The following MAGT1 variants were observed in gnomAD, a reference collection of about 807,000 sequenced individuals.
MAGT1 encodes dolichyl-diphosphooligosaccharide--protein glycosyltransferase subunit MAGT1.
In MAGT1, 4 loss-of-function variants were observed where a neutral mutation model predicts 28.4. That is an observed-to-expected ratio of 0.14 (90% CI 0.07 to 0.32). The LOEUF (loss-of-function observed/expected upper bound fraction) is 0.32. MAGT1 is among the 10% of genes least tolerant of loss of function. The pLI, the probability that MAGT1 is intolerant of heterozygous loss-of-function variation, is 1.00. For synonymous variants in MAGT1, 89 were observed against 89.7 expected, an observed-to-expected ratio of 0.99 and a Z score of 0.04; for missense variants, 193 against 264.5, an observed-to-expected ratio of 0.73 and a Z score of 1.88.
intron 7 of MAGT1, among the ~76,000 whole-genome samples, chrX:77,850,944 C>A (rs188848669): frequency 6.4e-5 from 7 of 110,231 alleles, no homozygotes; most frequent in African/African-American, 1.6e-4. Flanking sequence ...TTTGTTAATC[C>A]ATCAAACCAT....
Position 77,873,383 on chromosome X carries a change from T to C in MAGT1, c.272+2045A>G, listed in dbSNP as rs983169824. ...ATCTGGAGAACCTCCAAGTTTTTACTAAACTAATTCTTCATACAGTAGCTT... is the reference window on the plus strand; with the variant it reads ...ATCTGGAGAACCTCCAAGTTTTTACCAAACTAATTCTTCATACAGTAGCTT... On this transcript the variant is annotated intron_variant, in intron 2 of 9. Transcript: ENST00000618282. 9.8e-5 allele frequency among the ~76,000 whole-genome samples: 11 copies of C among 112,281 alleles called. No homozygotes were observed. The South Asian group carries it at 3.3e-3, about 33-fold the overall frequency.
intron 8 of MAGT1, among the ~76,000 whole-genome samples, chrX:77,835,608 A>C (rs2076914932): frequency 8.9e-6 from 1 of 111,838 alleles, no homozygotes; most frequent in Admixed American, 9.6e-5. Context: ...ACAGAAAAAT[A>C]AATCAGTATA....
intron 7 of MAGT1, among the ~76,000 whole-genome samples, chrX:77,844,240 G>A (rs1166431639): frequency 8.9e-6 from 1 of 111,927 alleles, no homozygotes; most frequent in Non-Finnish European, 1.9e-5. Flanking sequence ...TTGTGTAGAG[G>A]TGTTTATAGT....
At chrX:77,893,048 A>G (rs1027300820) in intron 1 of MAGT1, among the ~76,000 whole-genome samples, 1 of 111,904 alleles carries the variant, frequency 8.9e-6, no homozygotes, top group Non-Finnish European at 1.9e-5. Context: ...GCACTTTGGG[A>G]GGCCAAGGTG....
chrX:77,857,522 T>C, intron 3 of MAGT1, 25 bp from the exon 4 acceptor site: 2 of 1,203,775 alleles, frequency 1.7e-6, no homozygotes, highest in Non-Finnish European at 2.3e-6. Context: ...GCCATGAAAA[T>C]ATACATTATC....
chrX:77,851,849 A>G (rs1220079856), intron 7 of MAGT1, among the ~76,000 whole-genome samples: 1 of 110,669 alleles, frequency 9.0e-6, no homozygotes, highest in East Asian at 2.9e-4. Flanking sequence ...AAATTTTAGG[A>G]TTAAAAAAAA....
intron 7 of MAGT1, among the ~76,000 whole-genome samples, chrX:77,842,209 A>G (rs2076936948): frequency 9.1e-6 from 1 of 109,921 alleles, no homozygotes; most frequent in South Asian, 3.9e-4. Flanking sequence ...CCTGGGCAAC[A>G]TGGTGAGACC....
intron 3 of MAGT1, among the ~76,000 whole-genome samples, chrX:77,863,159 C>CA (rs1284783148): frequency 1.1e-4 from 11 of 104,472 alleles, no homozygotes; most frequent in Non-Finnish European, 2.2e-4. Context: ...GACTCCATCT[C>CA]AAAAAAAAAG....
chrX:77,887,597 C>A (rs781900211), intron 1 of MAGT1, among the ~76,000 whole-genome samples: 10 of 111,779 alleles, frequency 8.9e-5, no homozygotes, highest in Admixed American at 3.8e-4. Context: ...CCAGATTCTT[C>A]TTTATCTTCC....
intron 8 of MAGT1, among the ~76,000 whole-genome samples, chrX:77,833,040 C>T (rs1164943336): frequency 7.2e-5 from 8 of 111,366 alleles, no homozygotes; most frequent in South Asian, 3.7e-4. Flanking sequence ...TATATAATCA[C>T]GCTGTTTGAG....
At chrX:77,882,987 A>G (rs1329071665) in intron 1 of MAGT1, among the ~76,000 whole-genome samples, 1 of 100,845 alleles carries the variant, frequency 9.9e-6, no homozygotes, top group East Asian at 2.9e-4. Flanking sequence ...ATATATTTAT[A>G]TATATAATTT....
At chrX:77,877,013 C>CAAAAAAA (rs782800456) in intron 1 of MAGT1, among the ~76,000 whole-genome samples, 1 of 10,631 alleles carries the variant, frequency 9.4e-5, no homozygotes, top group Non-Finnish European at 1.9e-4. Context: ...AACTCCATCT[C>CAAAAAAA]AAAAAAAAAA....
intron 3 of MAGT1, among the ~76,000 whole-genome samples, chrX:77,859,320 C>A (rs1017129167): frequency 8.9e-6 from 1 of 112,393 alleles, no homozygotes; most frequent in Non-Finnish European, 1.9e-5. Flanking sequence ...TACATTCTGG[C>A]AGCCACAGTT....
At chrX:77,842,168 C>T (rs1380931344) in intron 7 of MAGT1, among the ~76,000 whole-genome samples, 1 of 110,092 alleles carries the variant, frequency 9.1e-6, no homozygotes, top group African/African-American at 3.3e-5. Context: ...CGAGGCGGGC[C>T]GATTGCTTAA....
chrX:77,834,296 A>G (rs1312026540), intron 8 of MAGT1, among the ~76,000 whole-genome samples: 2 of 101,739 alleles, frequency 2.0e-5, no homozygotes, highest in African/African-American at 3.6e-5. Context: ...ATGCATATAT[A>G]TATATACATG....
In MAGT1 at chrX:77,829,181, T is replaced by C. The variant is rs1557213152; in HGVS notation, c.*39A>G. On this transcript the variant is annotated 3_prime_UTR_variant, in exon 10 of 10. Coordinates refer to ENST00000618282, the MANE Select transcript of MAGT1 (RefSeq NM_001367916.1). The stretch of plus-strand genomic sequence containing the variant: ...AACACACACGATTTTCGTTTTTCAA[T>C]TTCCAGTACTCCAGTGTCTATATAT... The C allele has an allele frequency of 8.5e-7, 1 of 1,171,246 alleles. No homozygotes were observed. The highest frequency in any genetic ancestry group is 3.0e-5 in the East Asian group (1 of 33,515).
At chrX:77,886,303 C>T (rs782481253) in intron 1 of MAGT1, among the ~76,000 whole-genome samples, 1 of 111,299 alleles carries the variant, frequency 9.0e-6, no homozygotes, top group Admixed American at 9.7e-5. Context: ...ACTTTTTAAA[C>T]CTGTGTTTCT....
chrX:77,870,921 C>T lies in MAGT1; in HGVS notation c.277G>A (p.Ala93Thr). Residue 93 changes from alanine (A) to threonine (T), a missense_variant, in exon 3 of 10, where the codon GCT (alanine) becomes ACT (threonine). Physicochemically the swap from Ala to Thr is moderately conservative, Grantham distance 58. Coordinates refer to ENST00000618282, the MANE Select transcript of MAGT1 (RefSeq NM_001367916.1). ...GCCAGGATCTGGAATTCTTCATCAG[C>T]TTGCCTGGATGCAATGAGATTCGTA... is the stretch of plus-strand genomic sequence containing the variant. The part of the protein sequence containing the change: ...LHRQCVVCKQ[A>T]DEEFQILANS... 1 of 1,181,816 alleles carries T rather than the reference C, an allele frequency of 8.5e-7. No homozygotes were observed. The highest frequency in any genetic ancestry group is 1.2e-6 in the Non-Finnish European group (1 of 868,279).
Position 77,841,263 on chromosome X carries a change from T to C in MAGT1, c.884A>G (p.Asp295Gly). ...TGACTTACTCTTTCGCTTTCCAATA[T>C]CCATGTCAGAGGTAGCAGCTTCACA... ...LLCEAATSDMDIGKRKIMCVA... is the reference protein window; with the variant it reads ...LLCEAATSDMGIGKRKIMCVA... The change falls in exon 8 of 10, where the codon GAT becomes GGT. Residue 295 changes from aspartate to glycine, a missense_variant. Physicochemically the swap from Asp to Gly is moderately conservative, Grantham distance 94. Coordinates refer to ENST00000618282, the MANE Select transcript of MAGT1 (RefSeq NM_001367916.1). 1 of 1,204,581 alleles carries C rather than the reference T, an allele frequency of 8.3e-7. No individual in the cohort carries two copies. Among genetic ancestry groups the C allele is most frequent in the Non-Finnish European group, 1.1e-6 (1 of 889,224 alleles).
Sources: allele counts gnomAD v4.1 joint callset (sites outside exome capture counted in the v4.1 genomes callset), GRCh38; gene constraint gnomAD v4.1.1; transcripts MANE v1.5; gene names NCBI Gene and HGNC (gene_info 2026-07-23, HGNC 2026-07-21).